The following BICC1 variants were observed in gnomAD, a reference collection of about 807,000 sequenced individuals.
The protein encoded by BICC1 is BicC family RNA binding protein 1, also known as protein bicaudal C homolog 1.
BICC1 carries 43 observed loss-of-function variants against 111.0 expected under a neutral mutation model. That is an observed-to-expected ratio of 0.39 (90% confidence interval 0.30 to 0.50). The LOEUF (loss-of-function observed/expected upper bound fraction) is 0.50. Ranked by LOEUF, BICC1 falls within the 20% of genes least tolerant of loss-of-function variation. BICC1 has a pLI of 0.88. For missense variants in BICC1, 1,091 were observed against 1,203.2 expected (o/e 0.91, Z 1.38); for synonymous variants, 467 against 434.4 (o/e 1.07, Z -0.93).
rs778408256 is a variant in BICC1, at chr10:58,803,130, T to C, written c.2069T>C (p.Leu690Ser). The C allele has an allele frequency of 1.2e-6, 2 of 1,610,366 alleles. No individual in the cohort carries two copies. Among genetic ancestry groups the C allele is most frequent in the East Asian group, 2.2e-5 (1 of 44,782 alleles). ...GAACTGAGTGCTACCGAAAGCCCTT[T>C]GGCTGACAAGAAGGCTCCAGGGAGT... Reference protein sequence around the residue: ...DPELSATESPLADKKAPGSER... With the variant: ...DPELSATESPSADKKAPGSER... The change falls in exon 15 of 21, where the codon TTG (leucine) becomes TCG (serine). Residue 690 changes from leucine to serine, a missense_variant. By Grantham distance (145) the Leu-to-Ser change is moderately radical. This residue lies in a region of BICC1 where 843 missense variants were observed against 900.8 expected (regional missense o/e 0.94). Transcript: ENST00000373886.
At chr10:58,674,640 T>A (rs1271339082) in intron 2 of BICC1, among the ~76,000 whole-genome samples, 1 of 152,166 alleles carries the variant, frequency 6.6e-6, no homozygotes, top group Non-Finnish European at 1.5e-5. Flanking sequence ...TAGTAATACA[T>A]CATAACTATC....
At chr10:58,628,355 C>G (rs1837696024) in intron 2 of BICC1, among the ~76,000 whole-genome samples, 1 of 152,112 alleles carries the variant, frequency 6.6e-6, no homozygotes, top group Non-Finnish European at 1.5e-5. Context: ...ACTTCTGTGT[C>G]TTTTATATAA....
chr10:58,612,599 TA>T (rs34066134), intron 1 of BICC1, among the ~76,000 whole-genome samples: 102,083 of 145,282 alleles, frequency 0.7, 35,675 homozygotes, highest in Admixed American at 0.77. Flanking sequence ...TGAGTTGTGT[TA>T]AAAAAAAAAA....
chr10:58,750,883 G>T (rs566285793), intron 3 of BICC1, among the ~76,000 whole-genome samples: 1 of 152,196 alleles, frequency 6.6e-6, no homozygotes, highest in South Asian at 2.1e-4. Flanking sequence ...TTACCTGAAG[G>T]GTGCTCATTG....
At chr10:58,624,955 A>T (rs1358234710) in intron 2 of BICC1, among the ~76,000 whole-genome samples, 2 of 152,132 alleles carry the variant, frequency 1.3e-5, no homozygotes, top group Non-Finnish European at 2.9e-5. Flanking sequence ...TGTGTATATT[A>T]AAAATATATA....
rs543368487 is a variant in BICC1 at position 58,647,365 on chromosome 10, A to G, written c.237+26464A>G. 1.1e-4 allele frequency among the ~76,000 whole-genome samples: 17 copies of G among 152,358 alleles called. No individual in the cohort carries two copies. The South Asian group carries it at 3.1e-3, about 28-fold the overall frequency. On this transcript the variant is annotated intron_variant, in intron 2 of 20. Coordinates refer to ENST00000373886, the MANE Select transcript of BICC1 (RefSeq NM_001080512.3). ...CATTGAAAGTGTATTATTTTAGGAA[A>G]GAGCATGAATGTCAAAATAACTTCG...
At chr10:58,733,328 T>G (rs1171174989) in intron 3 of BICC1, among the ~76,000 whole-genome samples, 1 of 152,218 alleles carries the variant, frequency 6.6e-6, no homozygotes, top group Non-Finnish European at 1.5e-5. Context: ...TATGTGAGCT[T>G]TAACATGTCC....
rs565080761 is a variant in BICC1, at chr10:58,737,822, A to G, written c.307+35679A>G. On this transcript the variant is annotated intron_variant, in intron 3 of 20. Coordinates refer to ENST00000373886, the MANE Select transcript of BICC1 (RefSeq NM_001080512.3). ...GTATCTCATTTTGGTTTTGATTTGC[A>G]TTTCTCTGATGGACAGTGATGATGA... Among the ~76,000 whole-genome samples, 50 of 152,204 alleles carry G rather than the reference A, an allele frequency of 3.3e-4. 2 individuals carry two copies. The South Asian group carries it at 6.0e-3, about 18-fold the overall frequency.
At chr10:58,720,045 CGAT>C (rs1840891526) in intron 3 of BICC1, among the ~76,000 whole-genome samples, 2 of 152,104 alleles carry the variant, frequency 1.3e-5, no homozygotes, top group African/African-American at 4.8e-5. Flanking sequence ...GCTTCTTTAC[CGAT>C]GATGACTCCA....
At chr10:58,527,404 G>C (rs929445049) in intron 1 of BICC1, among the ~76,000 whole-genome samples, 18 of 152,242 alleles carry the variant, frequency 1.2e-4, no homozygotes, top group African/African-American at 4.1e-4. Context: ...TTCTTTTGCT[G>C]TGCAGAAGCT....
At chr10:58,580,498 A>T (rs905199357) in intron 1 of BICC1, among the ~76,000 whole-genome samples, 2 of 152,206 alleles carry the variant, frequency 1.3e-5, no homozygotes, top group Non-Finnish European at 2.9e-5. Flanking sequence ...GTAAGTAAAT[A>T]ATGCAGATAT....
chr10:58,541,308 CCA>C (rs772756573), intron 1 of BICC1, among the ~76,000 whole-genome samples: 1 of 151,924 alleles, frequency 6.6e-6, no homozygotes, highest in Non-Finnish European at 1.5e-5. Flanking sequence ...CCTAATGATT[CCA>C]CACACACACA....
intron 1 of BICC1, among the ~76,000 whole-genome samples, chr10:58,540,598 A>G (rs539810094): frequency 2.0e-5 from 3 of 152,048 alleles, no homozygotes; most frequent in African/African-American, 4.8e-5. Context: ...ATATACTGGT[A>G]AGGAGATTGA....
intron 1 of BICC1, among the ~76,000 whole-genome samples, chr10:58,588,296 C>G (rs1844492372): frequency 6.6e-6 from 1 of 152,132 alleles, no homozygotes; most frequent in Non-Finnish European, 1.5e-5. Flanking sequence ...CATTTGGGGA[C>G]AAACACAGTT....
At position 58,758,975 on chromosome 10, in the gene BICC1, TTTG is replaced by T. The variant is rs1431301361; in HGVS notation, c.308-26025_308-26023del. Among the ~76,000 whole-genome samples, 57 of 141,094 alleles carry T rather than the reference TTTG, an allele frequency of 4.0e-4. 1 individual carries two copies. The highest frequency in any genetic ancestry group is 1.5e-3 in the African/African-American group (57 of 38,598). 92.6% of individuals were successfully genotyped at this position (141,094 alleles called of 152,430 possible). A position where few individuals can be genotyped will look rare whatever the true frequency, so the allele number is the denominator to read the frequency against. On this transcript the variant is annotated intron_variant, in intron 3 of 20. Transcript: ENST00000373886. ...TTTATTTATTTATTTATTTATTTAT[TTTG>T]AGATGGAGTCTTGCTTTGTCACTCA... is the stretch of plus-strand genomic sequence containing the variant.
At position 58,530,609 on chromosome 10, in the gene BICC1, G is replaced by A. The variant is rs544913082; in HGVS notation, c.190+17276G>A. 1.6e-4 allele frequency among the ~76,000 whole-genome samples: 24 copies of A among 150,334 alleles called. No homozygotes were observed. The South Asian group carries it at 2.9e-3, about 18-fold the overall frequency. Reference sequence around the variant, plus strand: ...ATGCCGAACTGTTTACTGTAGCCTCGCTGGAATCAGAGATGAAGGTGAGAT... The same window carrying A: ...ATGCCGAACTGTTTACTGTAGCCTCACTGGAATCAGAGATGAAGGTGAGAT... On this transcript the variant is annotated intron_variant, in intron 1 of 20. Coordinates refer to ENST00000373886, the MANE Select transcript of BICC1 (RefSeq NM_001080512.3).
In BICC1 at chr10:58,803,082, C is replaced by T; in HGVS notation, c.2021C>T (p.Thr674Ile). 1 of 1,596,452 alleles carries T rather than the reference C, an allele frequency of 6.3e-7. No individual in the cohort carries two copies. Among genetic ancestry groups the T allele is most frequent in the Non-Finnish European group, 8.5e-7 (1 of 1,171,728 alleles). ...TCCACACTCTTATTTCACAGCAGCACTGACAGGTTGCTCTCAGACCCTGAA... is the reference window on the plus strand; with the variant it reads ...TCCACACTCTTATTTCACAGCAGCATTGACAGGTTGCTCTCAGACCCTGAA... ...QGTKNSHLHS[T>I]DRLLSDPELS... Residue 674 changes from threonine (T) to isoleucine (I), a missense_variant, in exon 15 of 21, where the codon ACT (threonine) becomes ATT (isoleucine). This residue lies in a region of BICC1 where 843 missense variants were observed against 900.8 expected (regional missense o/e 0.94). Coordinates refer to ENST00000373886, the MANE Select transcript of BICC1 (RefSeq NM_001080512.3).
chr10:58,748,702 T>C (rs150964043), intron 3 of BICC1, among the ~76,000 whole-genome samples: 1 of 152,276 alleles, frequency 6.6e-6, no homozygotes, highest in East Asian at 1.9e-4. Flanking sequence ...TGTAGGGTAT[T>C]GTACTCGGTC....
intron 3 of BICC1, among the ~76,000 whole-genome samples, chr10:58,719,065 ACTTTGTCT>A (rs1384073316): frequency 6.6e-6 from 1 of 152,146 alleles, no homozygotes; most frequent in Non-Finnish European, 1.5e-5. Context: ...TTCCATTTCT[ACTTTGTCT>A]CCATTTCTAG....
Sources: gnomAD v4.1 joint callset for allele counts (sites outside exome capture counted in the v4.1 genomes callset) on GRCh38, gnomAD v4.1.1 for gene constraint, gnomAD v4.1.1 regional missense constraint, MANE v1.5 for transcripts, NCBI Gene and HGNC (gene_info 2026-07-23, HGNC 2026-07-21) for gene names.